The following JARID2 variants were observed in gnomAD, a reference collection of about 807,000 sequenced individuals.
The protein encoded by JARID2 is jumonji and AT-rich interaction domain containing 2, also known as protein Jumonji.
In JARID2, 21 loss-of-function variants were observed where a neutral mutation model predicts 125.6. The ratio of observed to expected loss-of-function variants is 0.17; its 90% CI spans 0.12 to 0.24. The LOEUF (loss-of-function observed/expected upper bound fraction) is 0.24, where lower values mean the gene tolerates loss of function less well. Among genes scored for constraint, JARID2 ranks in the 10% least tolerant of loss-of-function variants. JARID2 has a pLI of 1.00. For synonymous variants in JARID2, 736 were observed against 661.6 expected (o/e 1.11, Z -1.73); for missense variants, 1,303 against 1,639.6 (o/e 0.79, Z 3.55).
At chr6:15,380,064 C>T (rs1442408524) in intron 2 of JARID2, among the ~76,000 whole-genome samples, 1 of 148,666 alleles carries the variant, frequency 6.7e-6, no homozygotes, top group Non-Finnish European at 1.5e-5. Context: ...TGGAGTCTTG[C>T]TTGCTCTGTT....
intron 1 of JARID2, among the ~76,000 whole-genome samples, chr6:15,313,313 T>G (rs1170647964): frequency 6.6e-6 from 1 of 152,118 alleles, no homozygotes; most frequent in Non-Finnish European, 1.5e-5. Flanking sequence ...AACATCTCAT[T>G]TTTAGTTGTA....
chr6:15,377,888 C>CT lies in JARID2; in HGVS notation c.181+3648dup, dbSNP rs71772091. 6.3e-3 allele frequency among the ~76,000 whole-genome samples: 908 copies of CT among 144,846 alleles called. 6 individuals are homozygous for CT. The highest frequency in any genetic ancestry group is 0.012 in the African/African-American group (469 of 39,140). ...TTTTTTTTCAATTTTTTTTCTTCTT[C>CT]TTTTTTTTTTTTCTTTGAGATGGAG... is the stretch of plus-strand genomic sequence containing the variant. On this transcript the variant is annotated intron_variant, in intron 2 of 17. Transcript: ENST00000341776.
chr6:15,341,428 A>C (rs1304123926), intron 1 of JARID2, among the ~76,000 whole-genome samples: 1 of 152,226 alleles, frequency 6.6e-6, no homozygotes, highest in African/African-American at 2.4e-5. Context: ...GAAAGTAGAC[A>C]AAGTTTCTAG....
chr6:15,439,843 GT>G (rs1767370745), intron 3 of JARID2, among the ~76,000 whole-genome samples: 1 of 152,214 alleles, frequency 6.6e-6, no homozygotes, highest in South Asian at 2.1e-4. Flanking sequence ...ACCCCTGGGA[GT>G]TTCTGCTACT....
At chr6:15,488,056 C>G (rs1296596555) in intron 6 of JARID2, among the ~76,000 whole-genome samples, 1 of 152,180 alleles carries the variant, frequency 6.6e-6, no homozygotes, top group Non-Finnish European at 1.5e-5. Context: ...GGCACCTCTT[C>G]CACTGAAGGC....
At chr6:15,516,401 C>T (rs139163452) in intron 16 of JARID2, among the ~76,000 whole-genome samples, 98 of 152,316 alleles carry the variant, frequency 6.4e-4, no homozygotes, top group African/African-American at 2.2e-3. Flanking sequence ...TCCTTTCATC[C>T]GGCCCCTCTC....
intron 1 of JARID2, among the ~76,000 whole-genome samples, chr6:15,250,727 C>CG (rs1251315864): frequency 1.3e-5 from 2 of 152,134 alleles, no homozygotes; most frequent in Non-Finnish European, 2.9e-5. Flanking sequence ...ATTTGGTACT[C>CG]GGTAATGCCT....
Position 15,496,288 on chromosome 6 carries a change from G to A in JARID2, c.1063G>A (p.Glu355Lys), listed in dbSNP as rs1172967249. The A allele has an allele frequency of 6.2e-7, 1 of 1,614,200 alleles. No homozygotes were observed. The highest frequency in any genetic ancestry group is 1.1e-5 in the South Asian group (1 of 91,084). The change falls in exon 7 of 18, where the codon GAA (glutamate) becomes AAA (lysine). Residue 355 changes from glutamate (E) to lysine (K), a missense_variant. Coordinates refer to ENST00000341776, the MANE Select transcript of JARID2 (RefSeq NM_004973.4). ...GAVTYTKAKR[E>K]LVKDTKPNHH... Reference sequence around the variant, plus strand: ...TGTCACATACACCAAAGCCAAGAGAGAACTGGTCAAGGACACCAAACCCAA... The same window carrying A: ...TGTCACATACACCAAAGCCAAGAGAAAACTGGTCAAGGACACCAAACCCAA...
intron 1 of JARID2, among the ~76,000 whole-genome samples, chr6:15,261,838 C>T (rs571379719): frequency 6.9e-6 from 1 of 144,816 alleles, no homozygotes; most frequent in South Asian, 2.2e-4. Context: ...GGCTGTAGTG[C>T]AGTGGCGCAA....
rs544272948 is a variant in JARID2 at position 15,521,133 on chromosome 6, C to G, written c.*882C>G. 6.1e-6 allele frequency: 1 copy of G among 164,936 alleles called. No homozygotes were observed. Among genetic ancestry groups the G allele is most frequent in the African/African-American group, 2.5e-5 (1 of 40,732 alleles). 10.2% of individuals were successfully genotyped at this position (164,936 alleles called of 1,614,324 possible). ...GAAGCCGTAAGTGCTTCTTTGTCAT[C>G]GACGTGCAATCTTTCTAACATTCCA... On this transcript the variant is annotated 3_prime_UTR_variant, in exon 18 of 18. Coordinates refer to ENST00000341776, the MANE Select transcript of JARID2 (RefSeq NM_004973.4).
At chr6:15,385,393 C>T (rs1764745328) in intron 2 of JARID2, among the ~76,000 whole-genome samples, 1 of 152,082 alleles carries the variant, frequency 6.6e-6, no homozygotes, top group African/African-American at 2.4e-5. Context: ...CTTATGAAGT[C>T]TGTCTGCACA....
chr6:15,509,008 G>T (rs1376566582), intron 12 of JARID2: 12 of 1,289,366 alleles, frequency 9.3e-6, no homozygotes, highest in Non-Finnish European at 1.2e-5. Flanking sequence ...GTGGCTGTGG[G>T]GAGTAGAGTT....
chr6:15,332,948 T>C (rs1250988904), intron 1 of JARID2, among the ~76,000 whole-genome samples: 3 of 140,690 alleles, frequency 2.1e-5, no homozygotes, highest in Admixed American at 7.0e-5. Context: ...TTTTTTTTTT[T>C]TTTTTTTTTT....
intron 1 of JARID2, among the ~76,000 whole-genome samples, chr6:15,323,768 G>C (rs1216541333): frequency 1.3e-5 from 2 of 152,058 alleles, no homozygotes; most frequent in Non-Finnish European, 2.9e-5. Flanking sequence ...GGTGGTGTGC[G>C]CCTGTAATCC....
rs572319619 is a variant in JARID2 at position 15,333,420 on chromosome 6, A to G, written c.46-40697A>G. On this transcript the variant is annotated intron_variant, in intron 1 of 17. Coordinates refer to ENST00000341776, the MANE Select transcript of JARID2 (RefSeq NM_004973.4). ...GTCCTTTCTGTCACTGGATATTCCT[A>G]TTTTGGCCACTTCATATAAATGGAA... Among the ~76,000 whole-genome samples, 9 of 152,250 alleles carry G rather than the reference A, an allele frequency of 5.9e-5. No individual in the cohort carries two copies. The East Asian group carries it at 1.2e-3, about 20-fold the overall frequency.
chr6:15,305,036 C>CA (rs1761770230), intron 1 of JARID2, among the ~76,000 whole-genome samples: 1 of 152,138 alleles, frequency 6.6e-6, no homozygotes, highest in Non-Finnish European at 1.5e-5. Flanking sequence ...CACTGATTGG[C>CA]AGGAGGGGTG....
At chr6:15,301,255 T>C (rs373487991) in intron 1 of JARID2, among the ~76,000 whole-genome samples, 24 of 152,276 alleles carry the variant, frequency 1.6e-4, no homozygotes, top group African/African-American at 5.5e-4. Flanking sequence ...TACTATAAAA[T>C]TTTTTTCTTT....
chr6:15,457,468 C>T (rs1010045181), intron 4 of JARID2, among the ~76,000 whole-genome samples: 6 of 152,108 alleles, frequency 3.9e-5, no homozygotes, highest in Non-Finnish European at 7.3e-5. Flanking sequence ...TGGGTGACAG[C>T]GAGCACTGTG....
At chr6:15,280,992 C>T (rs777637142) in intron 1 of JARID2, among the ~76,000 whole-genome samples, 2 of 152,096 alleles carry the variant, frequency 1.3e-5, no homozygotes, top group African/African-American at 2.4e-5. Flanking sequence ...AATACGCTTG[C>T]GTTATTACTA....
Sources: gnomAD v4.1 joint callset for allele counts (sites outside exome capture counted in the v4.1 genomes callset) on GRCh38, gnomAD v4.1.1 for gene constraint, MANE v1.5 for transcripts, NCBI Gene and HGNC (gene_info 2026-07-23, HGNC 2026-07-21) for gene names.